TCF7L2: variants seen among roughly 807,000 people sequenced by gnomAD.
TCF7L2 encodes the protein transcription factor 7 like 2.
TCF7L2 carries 23 observed loss-of-function variants against 77.9 expected under a neutral mutation model. The observed-to-expected ratio is 0.30, with a 90% confidence interval of 0.21 to 0.42. The LOEUF (loss-of-function observed/expected upper bound fraction) is 0.42. Among genes scored for constraint, TCF7L2 ranks in the 10% least tolerant of loss-of-function variants. The probability of loss-of-function intolerance (pLI) is 1.00; values close to 1 mark genes in which losing one functional copy is unlikely to be tolerated. For missense variants in TCF7L2, 654 were observed against 793.1 expected (o/e 0.82, Z 2.11); for synonymous variants, 413 against 340.2 (o/e 1.21, Z -2.36).
At chr10:113,086,413 C>A (rs2059838829) in intron 5 of TCF7L2, among the ~76,000 whole-genome samples, 1 of 152,202 alleles carries the variant, frequency 6.6e-6, no homozygotes, top group African/African-American at 2.4e-5. Context: ...TGCTTGCCTC[C>A]CAGTTGGTTT....
intron 4 of TCF7L2, among the ~76,000 whole-genome samples, chr10:112,998,285 A>T (rs1217906969): frequency 6.6e-6 from 1 of 152,100 alleles, no homozygotes; most frequent in East Asian, 1.9e-4. Flanking sequence ...ACAAAATTGG[A>T]ATTTCCTTTT....
intron 4 of TCF7L2, among the ~76,000 whole-genome samples, chr10:113,024,756 A>G (rs1031859116): frequency 2.0e-5 from 3 of 151,328 alleles, no homozygotes; most frequent in African/African-American, 2.4e-5. Context: ...AGTAGCTGAG[A>G]TTACAGGGGC....
intron 11 of TCF7L2, among the ~76,000 whole-genome samples, chr10:113,152,901 A>C (rs2071064889): frequency 1.3e-5 from 2 of 152,344 alleles, no homozygotes; most frequent in South Asian, 4.1e-4. Flanking sequence ...TTTACCGTTA[A>C]GAAGGAAAAA....
chr10:113,067,151 C>T (rs770071712), intron 5 of TCF7L2, among the ~76,000 whole-genome samples: 2 of 152,148 alleles, frequency 1.3e-5, no homozygotes, highest in Non-Finnish European at 2.9e-5. Context: ...CATAATAGCC[C>T]ATGGTTATTA....
At chr10:113,034,764 T>TA (rs2050849770) in intron 4 of TCF7L2, among the ~76,000 whole-genome samples, 1 of 151,974 alleles carries the variant, frequency 6.6e-6, no homozygotes, top group Non-Finnish European at 1.5e-5. Flanking sequence ...GGCGTGGTGA[T>TA]ACGCGCCTGT....
At chr10:113,030,837 C>T (rs776517181) in intron 4 of TCF7L2, among the ~76,000 whole-genome samples, 69 of 152,150 alleles carry the variant, frequency 4.5e-4, no homozygotes, top group Non-Finnish European at 8.1e-4. Context: ...TGTTTGGAAT[C>T]CACAGCCCTT....
rs1318831223 is a variant in TCF7L2 at position 113,165,636 on chromosome 10, T to C, written c.1473T>C (p.Asp491=). 1.2e-6 allele frequency: 2 copies of C among 1,613,612 alleles called. No individual in the cohort carries two copies. Among genetic ancestry groups the C allele is most frequent in the Non-Finnish European group, 1.7e-6 (2 of 1,179,796 alleles). Residue 491 remains aspartate, a synonymous_variant, in exon 14 of 14, where the codon GAT becomes GAC. Transcript: ENST00000627217. The stretch of plus-strand genomic sequence containing the variant: ...CCTCTTCAGATGGAAGCTTACTAGA[T>C]TCGCCTCCCCCCTCCCCGAACCTGC...
At chr10:113,155,644 G>A (rs1456583647) in intron 11 of TCF7L2, among the ~76,000 whole-genome samples, 1 of 152,210 alleles carries the variant, frequency 6.6e-6, no homozygotes, top group Non-Finnish European at 1.5e-5. Flanking sequence ...AAACGGGGAT[G>A]CTTTTTCACA....
chr10:112,958,520 T>C (rs1299133472), intron 3 of TCF7L2, among the ~76,000 whole-genome samples: 1 of 151,954 alleles, frequency 6.6e-6, no homozygotes, highest in Non-Finnish European at 1.5e-5. Context: ...CTAAGACCTC[T>C]CCCATCCCAA....
At chr10:113,059,581 C>G (rs1471705584) in intron 5 of TCF7L2, among the ~76,000 whole-genome samples, 1 of 151,762 alleles carries the variant, frequency 6.6e-6, no homozygotes, top group African/African-American at 2.4e-5. Flanking sequence ...TGTGTTGGTG[C>G]GCGGGTCAGG....
chr10:113,042,329 G>A (rs2052599543), intron 5 of TCF7L2, among the ~76,000 whole-genome samples: 1 of 152,130 alleles, frequency 6.6e-6, no homozygotes, highest in South Asian at 2.1e-4. Context: ...GGAGACCTTT[G>A]TCCAAAGCAG....
At chr10:112,972,087 T>C (rs2038400596) in intron 4 of TCF7L2, among the ~76,000 whole-genome samples, 1 of 152,128 alleles carries the variant, frequency 6.6e-6, no homozygotes, top group African/African-American at 2.4e-5. Flanking sequence ...TTTCAACCTA[T>C]TGAAGTTTGA....
intron 4 of TCF7L2, among the ~76,000 whole-genome samples, chr10:113,011,457 A>C (rs1047168543): frequency 2.0e-5 from 3 of 152,134 alleles, no homozygotes; most frequent in Admixed American, 2.0e-4. Context: ...GTAGATTCTG[A>C]TATCAGTTGG....
chr10:112,974,888 G>A (rs891321610), intron 4 of TCF7L2, among the ~76,000 whole-genome samples: 12 of 152,136 alleles, frequency 7.9e-5, no homozygotes, highest in African/African-American at 2.7e-4. Flanking sequence ...AGGCTTATCA[G>A]GCTTAGTAGT....
intron 5 of TCF7L2, among the ~76,000 whole-genome samples, chr10:113,040,844 G>T (rs2052319291): frequency 6.6e-6 from 1 of 152,138 alleles, no homozygotes; most frequent in African/African-American, 2.4e-5. Context: ...AGCCTTATTT[G>T]AAGATTCCCT....
chr10:113,090,950 C>T (rs2060331291), intron 5 of TCF7L2, among the ~76,000 whole-genome samples: 1 of 152,066 alleles, frequency 6.6e-6, no homozygotes, highest in South Asian at 2.1e-4. Context: ...CTCTGTCTTC[C>T]AGGCTGGAGT....
intron 5 of TCF7L2, among the ~76,000 whole-genome samples, chr10:113,132,472 A>G (rs1186451777): frequency 5.9e-5 from 9 of 152,224 alleles, no homozygotes; most frequent in Non-Finnish European, 1.3e-4. Context: ...AATTTACTCT[A>G]AATCAAAATT....
At chr10:113,161,469 G>A (rs1215201657) in intron 13 of TCF7L2, 5 of 1,201,576 alleles carry the variant, frequency 4.2e-6, no homozygotes, top group Non-Finnish European at 5.9e-6. Context: ...CAGGGAAAGT[G>A]TAGGTACTTC....
chr10:113,077,689 C>CT (rs34695065), intron 5 of TCF7L2, among the ~76,000 whole-genome samples: 96,826 of 146,074 alleles, frequency 0.66, 32,937 homozygotes, highest in African/African-American at 0.8. Flanking sequence ...TAATTTCTTT[C>CT]TTTTCTTTTC....
Sources: gnomAD v4.1 joint callset for allele counts (sites outside exome capture counted in the v4.1 genomes callset) on GRCh38, gnomAD v4.1.1 for gene constraint, MANE v1.5 for transcripts, NCBI Gene and HGNC (gene_info 2026-07-23, HGNC 2026-07-21) for gene names.